The following APOOL variants were observed in gnomAD, a reference collection of about 807,000 sequenced individuals.
The protein encoded by APOOL is MICOS complex subunit MIC27.
In APOOL, 12 loss-of-function variants were observed where a neutral mutation model predicts 23.1. That is an observed-to-expected ratio of 0.52 (90% CI 0.33 to 0.84). The LOEUF (loss-of-function observed/expected upper bound fraction) is 0.84. Among genes scored for constraint, APOOL ranks in the 40% least tolerant of loss-of-function variants. The pLI, the probability that APOOL is intolerant of heterozygous loss-of-function variation, is 0.02. For synonymous variants in APOOL, 77 were observed against 69.9 expected (o/e 1.10, Z -0.51); for missense variants, 212 against 199.6 (o/e 1.06, Z -0.37).
intron 6 of APOOL, among the ~76,000 whole-genome samples, chrX:85,068,178 A>G (rs771779949): frequency 4.5e-5 from 5 of 111,686 alleles, no homozygotes; most frequent in African/African-American, 1.3e-4. Context: ...TAATTTACAT[A>G]GGAATTAACC....
chrX:85,021,668 TA>T (rs1465490767), intron 1 of APOOL, among the ~76,000 whole-genome samples: 2 of 111,242 alleles, frequency 1.8e-5, no homozygotes, highest in Non-Finnish European at 3.8e-5. Context: ...ATATAAAACC[TA>T]ATGTTACACC....
chrX:85,082,316 C>T (rs1046724952), intron 8 of APOOL, among the ~76,000 whole-genome samples: 2 of 111,427 alleles, frequency 1.8e-5, no homozygotes, highest in African/African-American at 6.5e-5. Flanking sequence ...CTATTCCTTT[C>T]TGTTTGTTAG....
chrX:85,042,395 T>C (rs1312609275), intron 1 of APOOL, among the ~76,000 whole-genome samples: 1 of 111,407 alleles, frequency 9.0e-6, no homozygotes, highest in East Asian at 2.8e-4. Flanking sequence ...CCTACCAACA[T>C]TGAACCATGA....
chrX:85,049,554 C>T (rs998706579), intron 2 of APOOL, among the ~76,000 whole-genome samples: 18 of 111,123 alleles, frequency 1.6e-4, no homozygotes, highest in African/African-American at 5.6e-4. Flanking sequence ...GATGCCAAGG[C>T]GGGCGGATTG....
At chrX:85,009,156 G>A (rs973398561) in intron 1 of APOOL, among the ~76,000 whole-genome samples, 11 of 111,539 alleles carry the variant, frequency 9.9e-5, no homozygotes, top group South Asian at 3.7e-4. Flanking sequence ...TTTTGGTGGC[G>A]TATTTAAGAT....
At chrX:85,017,748 G>A (rs1045926681) in intron 1 of APOOL, among the ~76,000 whole-genome samples, 3 of 111,085 alleles carry the variant, frequency 2.7e-5, no homozygotes, top group Admixed American at 9.6e-5. Flanking sequence ...TATTTCATGC[G>A]GCTCCTGAAA....
At chrX:85,063,283 G>T (rs1923306612) in intron 5 of APOOL, among the ~76,000 whole-genome samples, 1 of 111,534 alleles carries the variant, frequency 9.0e-6, no homozygotes, top group Non-Finnish European at 1.9e-5. Context: ...GGGTTTTCTA[G>T]ATATAGGGAT....
intron 1 of APOOL, among the ~76,000 whole-genome samples, chrX:85,009,654 A>G (rs1161101821): frequency 9.1e-6 from 1 of 109,724 alleles, no homozygotes; most frequent in Non-Finnish European, 1.9e-5. Context: ...TTCAACTTCT[A>G]TTTTAGGTTC....
intron 1 of APOOL, among the ~76,000 whole-genome samples, chrX:85,031,893 C>A (rs183197902): frequency 1.8e-5 from 2 of 112,062 alleles, no homozygotes; most frequent in African/African-American, 3.2e-5. Context: ...TCTAAACTGA[C>A]AACAACTTTA....
chrX:85,050,380 T>C (rs762254184), intron 2 of APOOL, among the ~76,000 whole-genome samples: 20 of 111,571 alleles, frequency 1.8e-4, no homozygotes, highest in East Asian at 1.4e-3. Flanking sequence ...TTACCTTGAA[T>C]AGTTATCATT....
intron 8 of APOOL, among the ~76,000 whole-genome samples, chrX:85,081,353 A>C (rs189559636): frequency 1.7e-3 from 185 of 111,449 alleles, no homozygotes; most frequent in Non-Finnish European, 2.5e-3. Context: ...TATAAAGCTT[A>C]GTTTGGCTGG....
chrX:85,037,631 G>A (rs901554319), intron 1 of APOOL, among the ~76,000 whole-genome samples: 6 of 111,271 alleles, frequency 5.4e-5, no homozygotes, highest in African/African-American at 2.0e-4. Flanking sequence ...TGTAAAACTA[G>A]GCACATAGAC....
intron 1 of APOOL, among the ~76,000 whole-genome samples, chrX:85,030,305 T>C (rs1273427116): frequency 9.1e-6 from 1 of 110,400 alleles, no homozygotes; most frequent in Non-Finnish European, 1.9e-5. Context: ...AGCTAAGCTA[T>C]GAGTACACAG....
At position 85,089,449 on chromosome X, in the gene APOOL, T is replaced by G. The variant is rs1924466817; in HGVS notation, c.*1771T>G. 1 of 111,684 alleles carries G rather than the reference T, an allele frequency of 9.0e-6. No homozygotes were observed. The highest frequency in any genetic ancestry group is 3.3e-5 in the African/African-American group (1 of 30,688). The allele number at this position is 111,684 out of a possible 1,213,427, so 9.2% of individuals were successfully genotyped here. ...TTATTGACTCTTCACCACTCTCTCCTTGAGACTCACTTATCCCTTTGCTCT... is the reference window on the plus strand; with the variant it reads ...TTATTGACTCTTCACCACTCTCTCCGTGAGACTCACTTATCCCTTTGCTCT... On this transcript the variant is annotated 3_prime_UTR_variant, in exon 9 of 9. Transcript: ENST00000373173.
intron 5 of APOOL, among the ~76,000 whole-genome samples, chrX:85,060,926 G>A (rs909171530): frequency 1.8e-5 from 2 of 111,217 alleles, no homozygotes; most frequent in African/African-American, 3.3e-5. Flanking sequence ...TGTTGAACAG[G>A]AGTGGTGAGA....
At chrX:85,042,569 G>C (rs1922435183) in intron 1 of APOOL, among the ~76,000 whole-genome samples, 1 of 112,180 alleles carries the variant, frequency 8.9e-6, no homozygotes, top group Non-Finnish European at 1.9e-5. Flanking sequence ...AAACAGAGAA[G>C]AGGGGAATAC....
chrX:85,007,847 G>T (rs1161404784), intron 1 of APOOL, among the ~76,000 whole-genome samples: 1 of 111,979 alleles, frequency 8.9e-6, no homozygotes. Flanking sequence ...AGGACTTACT[G>T]TGTATCAGGT....
At chrX:85,021,770 A>G (rs925248941) in intron 1 of APOOL, among the ~76,000 whole-genome samples, 4 of 112,391 alleles carry the variant, frequency 3.6e-5, no homozygotes, top group African/African-American at 1.3e-4. Flanking sequence ...GCACAAATAA[A>G]TGAAATAGAA....
chrX:85,053,245 G>C (rs1333693701), intron 3 of APOOL, among the ~76,000 whole-genome samples: 2 of 111,063 alleles, frequency 1.8e-5, no homozygotes, highest in Non-Finnish European at 3.8e-5. Context: ...TTCCTTAATG[G>C]TTAAATGATT....
Sources: allele counts gnomAD v4.1 joint callset (sites outside exome capture counted in the v4.1 genomes callset), GRCh38; gene constraint gnomAD v4.1.1; transcripts MANE v1.5; gene names NCBI Gene and HGNC (gene_info 2026-07-23, HGNC 2026-07-21).